ITGA11: variants seen among roughly 807,000 people sequenced by gnomAD.
ITGA11 encodes integrin alpha-11.
ITGA11 carries 97 observed loss-of-function variants against 141.9 expected under a neutral mutation model. That is an observed-to-expected ratio of 0.68 (90% CI 0.58 to 0.81). The LOEUF is 0.81. Ranked by LOEUF, ITGA11 falls within the 30% of genes least tolerant of loss-of-function variation. The pLI, the probability that ITGA11 is intolerant of heterozygous loss-of-function variation, is 0.00. For synonymous variants in ITGA11, 658 were observed against 624.6 expected, an observed-to-expected ratio of 1.05 and a Z score of -0.80; for missense variants, 1,387 against 1,559.2, an observed-to-expected ratio of 0.89 and a Z score of 1.86.
intron 1 of ITGA11, among the ~76,000 whole-genome samples, chr15:68,425,563 G>A (rs927219994): frequency 1.1e-4 from 17 of 152,314 alleles, no homozygotes; most frequent in Middle Eastern, 3.4e-3. Flanking sequence ...CCTGGAGGAG[G>A]TGGGGCAAGG....
intron 2 of ITGA11, 51 bp downstream of exon 2, chr15:68,402,867 G>T (rs1405179117): frequency 1.0e-5 from 13 of 1,262,688 alleles, no homozygotes; most frequent in East Asian, 2.4e-5. Flanking sequence ...GATGGAGGGG[G>T]CTGGGTGTGG....
chr15:68,356,262 A>ATTTT (rs34903160), intron 7 of ITGA11, among the ~76,000 whole-genome samples: 5 of 147,620 alleles, frequency 3.4e-5, no homozygotes, highest in Non-Finnish European at 7.5e-5. Flanking sequence ...TGCCCGGCTA[A>ATTTT]TTTGTTTTTT....
In ITGA11 at chr15:68,344,256, G is replaced by A. The variant is rs562339706; in HGVS notation, c.1131+4574C>T. ...ACCATCTTGACTGCCCGCCCAGCCTGGCAGGTGAAGGAGTCTATTGTTTAG... is the reference window on the plus strand; with the variant it reads ...ACCATCTTGACTGCCCGCCCAGCCTAGCAGGTGAAGGAGTCTATTGTTTAG... On this transcript the variant is annotated intron_variant, in intron 10 of 29. Transcript: ENST00000315757. 2.3e-3 allele frequency among the ~76,000 whole-genome samples: 353 copies of A among 152,266 alleles called. 3 individuals carry two copies. Among genetic ancestry groups the A allele is most frequent in the African/African-American group, 8.3e-3 (343 of 41,552 alleles).
At chr15:68,332,597 C>T in intron 12 of ITGA11, 119 bp from the exon 13 acceptor site, 4 of 1,123,848 alleles carry the variant, frequency 3.6e-6, no homozygotes, top group Non-Finnish European at 5.0e-6. Flanking sequence ...TTTTGGTGAA[C>T]AAATGGATCC....
intron 1 of ITGA11, among the ~76,000 whole-genome samples, chr15:68,431,515 C>T (rs1049178331): frequency 8.5e-5 from 13 of 152,192 alleles, no homozygotes; most frequent in Non-Finnish European, 1.9e-4. Flanking sequence ...AGCCCTCACC[C>T]CCACCCTTCA....
chr15:68,341,374 C>T (rs184091235), intron 10 of ITGA11, among the ~76,000 whole-genome samples: 1 of 152,352 alleles, frequency 6.6e-6, no homozygotes, highest in Admixed American at 6.5e-5. Flanking sequence ...AGTACTTTCT[C>T]ATCTGGCTGC....
chr15:68,314,469 T>TA lies in ITGA11; in HGVS notation c.2793-602dup, dbSNP rs560086800. Among the ~76,000 whole-genome samples, 5 of 152,110 alleles carry TA rather than the reference T, an allele frequency of 3.3e-5. No individual in the cohort carries two copies. In the East Asian group the frequency reaches 9.6e-4, roughly 29 times the overall value. On this transcript the variant is annotated intron_variant, in intron 22 of 29. Coordinates refer to ENST00000315757, the MANE Select transcript of ITGA11 (RefSeq NM_001004439.2). ...CTACCGGGGCAAATCATTTTAGACA[T>TA]AAAAATGTACAGTTCTTGCTTGTTA...
intron 1 of ITGA11, among the ~76,000 whole-genome samples, chr15:68,426,625 A>G (rs1897149300): frequency 6.6e-6 from 1 of 152,116 alleles, no homozygotes; most frequent in Non-Finnish European, 1.5e-5. Flanking sequence ...ATTCCCCAAC[A>G]ATTCCCCAAT....
chr15:68,415,515 C>A (rs1435507772), intron 1 of ITGA11, among the ~76,000 whole-genome samples: 1 of 152,182 alleles, frequency 6.6e-6, no homozygotes, highest in African/African-American at 2.4e-5. Flanking sequence ...TTAGCAGAAT[C>A]TCTGGGGGAG....
chr15:68,414,372 T>A (rs1306095537), intron 1 of ITGA11, among the ~76,000 whole-genome samples: 1 of 152,102 alleles, frequency 6.6e-6, no homozygotes, highest in African/African-American at 2.4e-5. Flanking sequence ...AACTTCTGAC[T>A]TTAGGACAGC....
chr15:68,330,210 T>A (rs1894109792), intron 15 of ITGA11, among the ~76,000 whole-genome samples: 1 of 152,228 alleles, frequency 6.6e-6, no homozygotes, highest in Non-Finnish European at 1.5e-5. Flanking sequence ...AGTATTCTTG[T>A]GAACAGGAGC....
At chr15:68,314,873 C>T (rs777483905) in intron 22 of ITGA11, among the ~76,000 whole-genome samples, 10 of 152,146 alleles carry the variant, frequency 6.6e-5, no homozygotes, top group Admixed American at 2.0e-4. Context: ...TGTTAGTGTT[C>T]GGTTTGCCTG....
chr15:68,418,742 C>T (rs893492909), intron 1 of ITGA11, among the ~76,000 whole-genome samples: 2 of 151,850 alleles, frequency 1.3e-5, no homozygotes, highest in African/African-American at 2.4e-5. Flanking sequence ...ACAGTGAGTC[C>T]CTCCCTTTCC....
At chr15:68,417,896 T>C (rs747726820) in intron 1 of ITGA11, among the ~76,000 whole-genome samples, 2 of 152,230 alleles carry the variant, frequency 1.3e-5, no homozygotes, top group African/African-American at 2.4e-5. Flanking sequence ...ATCTTCTTTA[T>C]GTATTTTACA....
At chr15:68,318,204 C>T (rs1367682593) in intron 20 of ITGA11, among the ~76,000 whole-genome samples, 3 of 151,994 alleles carry the variant, frequency 2.0e-5, no homozygotes, top group African/African-American at 7.3e-5. Context: ...CTCTGCACCC[C>T]ACCTGCTATG....
Position 68,307,769 on chromosome 15 carries a change from G to A in ITGA11, c.3175-73C>T, listed in dbSNP as rs534049333. Reference sequence around the variant, plus strand: ...CAGGGGGCAGCAACACTGCTTGAACGACTGGGGCTCTGCTCCTGGGGGCAG... The same window carrying A: ...CAGGGGGCAGCAACACTGCTTGAACAACTGGGGCTCTGCTCCTGGGGGCAG... On this transcript the variant is annotated intron_variant, in intron 26 of 29. Coordinates refer to ENST00000315757, the MANE Select transcript of ITGA11 (RefSeq NM_001004439.2). The surrounding 1 kb of genome is among the most constrained non-coding windows in gnomAD (Gnocchi z 6.1). The A allele has an allele frequency of 7.0e-5, 71 of 1,012,100 alleles. 1 individual carries two copies. The highest frequency in any genetic ancestry group is 2.2e-4 in the East Asian group (9 of 40,652). 62.7% of individuals were successfully genotyped at this position (1,012,100 alleles called of 1,614,324 possible).
chr15:68,303,729 C>T lies in ITGA11; in HGVS notation c.3495+43G>A. On this transcript the variant is annotated intron_variant, in intron 29 of 29. Coordinates refer to ENST00000315757, the MANE Select transcript of ITGA11 (RefSeq NM_001004439.2). This position sits in a 1 kb window ranked among gnomAD's most constrained non-coding sequence, Gnocchi z 5.3. ...TCCAGGGGCTGGAGCCTGGGCCCACCAGCCAGGATGCTGCTCCTTCCCTCC... is the reference window on the plus strand; with the variant it reads ...TCCAGGGGCTGGAGCCTGGGCCCACTAGCCAGGATGCTGCTCCTTCCCTCC... 1.4e-6 allele frequency: 2 copies of T among 1,407,170 alleles called. No homozygotes were observed. The highest frequency in any genetic ancestry group is 2.0e-6 in the Non-Finnish European group (2 of 1,002,284). The allele number at this position is 1,407,170 out of a possible 1,614,324, so 87.2% of individuals were successfully genotyped here.
At position 68,319,009 on chromosome 15, in the gene ITGA11, A is replaced by C. The variant is rs573955466; in HGVS notation, c.2616+1176T>G. 5.9e-5 allele frequency among the ~76,000 whole-genome samples: 9 copies of C among 152,326 alleles called. No individual in the cohort carries two copies. The East Asian group carries it at 1.5e-3, about 26-fold the overall frequency. ...TTGCCACCTGGGAGTCAAGGGTTTC[A>C]AGAGGCCAGCACTTGGAGACTGATG... On this transcript the variant is annotated intron_variant, in intron 20 of 29. Coordinates refer to ENST00000315757, the MANE Select transcript of ITGA11 (RefSeq NM_001004439.2).
intron 13 of ITGA11, 91 bp from the exon 14 acceptor site, chr15:68,332,153 T>G: frequency 7.8e-7 from 1 of 1,277,476 alleles, no homozygotes; most frequent in African/African-American, 1.5e-5. Flanking sequence ...CGGCATCCTC[T>G]CACCACTCCA....
Sources: gnomAD v4.1 joint callset for allele counts (sites outside exome capture counted in the v4.1 genomes callset) on GRCh38, gnomAD v4.1.1 for gene constraint, Gnocchi (gnomAD v3.1) non-coding constraint, MANE v1.5 for transcripts, NCBI Gene and HGNC (gene_info 2026-07-23, HGNC 2026-07-21) for gene names.